The following ANKRD10 variants were observed in gnomAD, a reference collection of about 807,000 sequenced individuals.
The protein encoded by ANKRD10 is ankyrin repeat domain 10.
In ANKRD10, 14 loss-of-function variants were observed where a neutral mutation model predicts 27.0. That is an observed-to-expected ratio of 0.52 (90% CI 0.34 to 0.81). The LOEUF (loss-of-function observed/expected upper bound fraction) is 0.81, where lower values mean the gene tolerates loss of function less well. ANKRD10 is among the 40% of genes least tolerant of loss of function. The probability of loss-of-function intolerance (pLI) is 0.01; values close to 1 mark genes in which losing one functional copy is unlikely to be tolerated. For synonymous variants in ANKRD10, 250 were observed against 224.5 expected, an observed-to-expected ratio of 1.11 and a Z score of -1.01; for missense variants, 493 against 544.0, an observed-to-expected ratio of 0.91 and a Z score of 0.93.
In ANKRD10 at chr13:110,914,948, A is replaced by C; in HGVS notation, c.-14T>G. ...CGCCGCCGACATGGTCCGTCACCGG[A>C]GAGCGCGGGGCTCGCTGGCCTAGAG... On this transcript the variant is annotated 5_prime_UTR_variant, in exon 1 of 6. Coordinates refer to ENST00000267339, the MANE Select transcript of ANKRD10 (RefSeq NM_017664.4). 7 of 1,528,804 alleles carry C rather than the reference A, an allele frequency of 4.6e-6. No homozygotes were observed. The highest frequency in any genetic ancestry group is 5.2e-6 in the Non-Finnish European group (6 of 1,143,286). The allele number at this position is 1,528,804 out of a possible 1,614,324, so 94.7% of individuals were successfully genotyped here. A position where few individuals can be genotyped will look rare whatever the true frequency, so the allele number is the denominator to read the frequency against.
rs34910313 is a variant in ANKRD10, at chr13:110,880,034, G to A, written c.866C>T (p.Thr289Met). 0.011 allele frequency: 16,996 copies of A among 1,614,220 alleles called. 103 individuals carry two copies. The highest frequency in any genetic ancestry group is 0.013 in the Non-Finnish European group (15,201 of 1,180,052). Residue 289 changes from threonine (T) to methionine (M), a missense_variant, in exon 6 of 6, where the codon ACG becomes ATG. Physicochemically the swap from Thr to Met is moderately conservative, Grantham distance 81. Transcript: ENST00000267339. ...GCTTTCCATCCCACTGAGCGGGGTC[G>A]TGGAGGGGAAGTCCAAATGTCCATT... is the stretch of plus-strand genomic sequence containing the variant. ...VINGHLDFPS[T>M]TPLSGMESRN...
intron 4 of ANKRD10, among the ~76,000 whole-genome samples, chr13:110,889,234 T>C (rs1393946284): frequency 6.6e-6 from 1 of 152,184 alleles, no homozygotes; most frequent in African/African-American, 2.4e-5. Context: ...CTGAAGCCCA[T>C]GCATCATACC....
chr13:110,892,333 G>A (rs1281206488), intron 4 of ANKRD10, among the ~76,000 whole-genome samples: 5 of 141,952 alleles, frequency 3.5e-5, no homozygotes, highest in Non-Finnish European at 7.5e-5. Flanking sequence ...GGGAGGCTGA[G>A]ACAGGAGAAT....
At chr13:110,914,133 C>G (rs914163506) in intron 1 of ANKRD10, among the ~76,000 whole-genome samples, 1 of 152,188 alleles carries the variant, frequency 6.6e-6, no homozygotes, top group East Asian at 1.9e-4. Context: ...CCATCCCACA[C>G]AGCTGCCGGG....
At chr13:110,914,549 C>A in intron 1 of ANKRD10, 176 bp downstream of exon 1, 1 of 912,054 alleles carries the variant, frequency 1.1e-6, no homozygotes, top group Non-Finnish European at 1.4e-6. Flanking sequence ...CGCCGCGACT[C>A]CGGGCCGCGA....
intron 1 of ANKRD10, 44 bp from the exon 2 acceptor site, chr13:110,910,814 T>C (rs746331293): frequency 3.8e-6 from 6 of 1,572,692 alleles, no homozygotes; most frequent in Non-Finnish European, 3.5e-6. Context: ...GACATGTCAG[T>C]ACACTATTCA....
chr13:110,890,762 C>T (rs528752423), intron 4 of ANKRD10, among the ~76,000 whole-genome samples: 7 of 151,758 alleles, frequency 4.6e-5, no homozygotes, highest in East Asian at 2.0e-4. Flanking sequence ...TTAGCACCCT[C>T]GGGCTTGGGA....
chr13:110,911,231 C>T (rs1426872023), intron 1 of ANKRD10, among the ~76,000 whole-genome samples: 1 of 151,682 alleles, frequency 6.6e-6, no homozygotes, highest in Non-Finnish European at 1.5e-5. Flanking sequence ...GGGTGGATCA[C>T]TTGAGGTCAG....
chr13:110,894,113 A>G, intron 3 of ANKRD10: 2 of 1,603,776 alleles, frequency 1.2e-6, no homozygotes, highest in Non-Finnish European at 1.7e-6. Context: ...GTAAACCTTT[A>G]GACACTGAAT....
chr13:110,883,906 A>T (rs2064865960), intron 4 of ANKRD10, 113 bp from the exon 5 acceptor site: 2 of 1,135,100 alleles, frequency 1.8e-6, no homozygotes, highest in East Asian at 6.1e-5. Context: ...ACAATCACAT[A>T]AAAAAAAATC....
Position 110,879,463 on chromosome 13 carries a change from T to C in ANKRD10, c.*174A>G. 1.6e-6 allele frequency: 1 copy of C among 610,026 alleles called. No homozygotes were observed. The highest frequency in any genetic ancestry group is 2.9e-6 in the Non-Finnish European group (1 of 345,582). 37.8% of individuals were successfully genotyped at this position (610,026 alleles called of 1,614,324 possible). The stretch of plus-strand genomic sequence containing the variant: ...AAACATCTATGCACTTAGTAAGCCC[T>C]ACTCATGCACAAACAAGCAGTTGCT... On this transcript the variant is annotated 3_prime_UTR_variant, in exon 6 of 6. Transcript: ENST00000267339.
Position 110,879,386 on chromosome 13 carries a change from G to A in ANKRD10, c.*251C>T. 4.3e-6 allele frequency: 2 copies of A among 469,416 alleles called. No individual in the cohort carries two copies. Among genetic ancestry groups the A allele is most frequent in the Non-Finnish European group, 7.6e-6 (2 of 261,666 alleles). The allele number at this position is 469,416 out of a possible 1,614,324, so 29.1% of individuals were successfully genotyped here. A position where few individuals can be genotyped will look rare whatever the true frequency, so the allele number is the denominator to read the frequency against. On this transcript the variant is annotated 3_prime_UTR_variant, in exon 6 of 6. Coordinates refer to ENST00000267339, the MANE Select transcript of ANKRD10 (RefSeq NM_017664.4). Reference sequence around the variant, plus strand: ...TATTAAAAAGACAATGTTGAGATTGGCATCAGAAAAACTCCAAAAGTGCAC... The same window carrying A: ...TATTAAAAAGACAATGTTGAGATTGACATCAGAAAAACTCCAAAAGTGCAC...
At chr13:110,883,865 C>T in intron 4 of ANKRD10, 72 bp from the exon 5 acceptor site, 1 of 1,228,482 alleles carries the variant, frequency 8.1e-7, no homozygotes, top group Non-Finnish European at 1.1e-6. Flanking sequence ...ACACAGTTTA[C>T]ATTATTTTGT....
At chr13:110,884,185 A>AT (rs1325104896) in intron 4 of ANKRD10, among the ~76,000 whole-genome samples, 5 of 150,158 alleles carry the variant, frequency 3.3e-5, no homozygotes, top group African/African-American at 7.3e-5. Context: ...AACAATCCTG[A>AT]TTTTTTAAAA....
rs200153441 is a variant in ANKRD10 at position 110,883,799 on chromosome 13, C to T, written c.692-6G>A. 2 of 1,606,600 alleles carry T rather than the reference C, an allele frequency of 1.2e-6. No homozygotes were observed. The highest frequency in any genetic ancestry group is 1.3e-5 in the African/African-American group (1 of 74,746). On this transcript the variant is annotated splice_region_variant and splice_polypyrimidine_tract_variant and intron_variant, in intron 4 of 5. Coordinates refer to ENST00000267339, the MANE Select transcript of ANKRD10 (RefSeq NM_017664.4). ...GGCAGAATCCAAGCTTTGAGCTGCA[C>T]AGAAAACAAAGACTATTTCAGATTC...
intron 3 of ANKRD10, chr13:110,900,783 AAAT>A (rs1168186259): frequency 9.6e-6 from 8 of 837,598 alleles, no homozygotes; most frequent in African/African-American, 7.1e-5. Flanking sequence ...CAGGAAACTT[AAAT>A]AATAAGGGAT....
At chr13:110,891,495 C>A (rs575821691) in intron 4 of ANKRD10, among the ~76,000 whole-genome samples, 13 of 152,260 alleles carry the variant, frequency 8.5e-5, no homozygotes, top group African/African-American at 2.9e-4. Flanking sequence ...TCATACATTA[C>A]TATAAAAAGT....
chr13:110,889,866 C>T lies in ANKRD10; in HGVS notation c.691+3162G>A, dbSNP rs538953766. On this transcript the variant is annotated intron_variant, in intron 4 of 5. Transcript: ENST00000267339. ...TTAAATTCTAGGAAAACAGAACGCA[C>T]TAAGTTTTATTGGTAAGATACAAGT... Among the ~76,000 whole-genome samples the T allele has an allele frequency of 8.4e-4, 128 of 152,290 alleles. 3 individuals are homozygous for T. In the South Asian group the frequency reaches 0.026, roughly 31 times the overall value.
chr13:110,899,019 A>G (rs34905798), intron 3 of ANKRD10: 6,117 of 152,116 alleles, frequency 0.04, 256 homozygotes, highest in South Asian at 0.2. Context: ...AGCCTCCCAA[A>G]GTGCTGGGAT....
Sources: allele counts gnomAD v4.1 joint callset (sites outside exome capture counted in the v4.1 genomes callset), GRCh38; gene constraint gnomAD v4.1.1; transcripts MANE v1.5; gene names NCBI Gene and HGNC (gene_info 2026-07-23, HGNC 2026-07-21).